The following ANGPTL7 variants were observed in gnomAD, a reference collection of about 807,000 sequenced individuals.
ANGPTL7 encodes the protein angiopoietin-related protein 7.
In ANGPTL7, 37 loss-of-function variants were observed where a neutral mutation model predicts 38.8. The observed-to-expected ratio is 0.95, with a 90% CI of 0.73 to 1.25. The LOEUF is 1.25. Ranked by LOEUF, ANGPTL7 falls within the 50% of genes most tolerant of loss-of-function variation. ANGPTL7 has a pLI of 0.00. For synonymous variants in ANGPTL7, 166 were observed against 163.2 expected (o/e 1.02, Z -0.13); for missense variants, 427 against 438.6 (o/e 0.97, Z 0.24).
Position 11,189,672 on chromosome 1 carries a change from G to C in ANGPTL7, c.93G>C (p.Lys31Asn), listed in dbSNP as rs755459406. The change falls in exon 1 of 5, where the codon AAG becomes AAC. Residue 31 changes from lysine to asparagine, a missense_variant. Transcript: ENST00000376819. ...CAGCGTGGCTGCAGAAGCTCTCTAA[G>C]CACAAGACACCAGCACAGCCACAGC... is the stretch of plus-strand genomic sequence containing the variant. ...SHPAWLQKLS[K>N]HKTPAQPQLK... is the part of the protein sequence containing the mutation. 119 of 1,614,066 alleles carry C rather than the reference G, an allele frequency of 7.4e-5. No individual in the cohort carries two copies. Among genetic ancestry groups the C allele is most frequent in the Non-Finnish European group, 9.8e-5 (116 of 1,180,040 alleles).
chr1:11,192,404 T>A, intron 2 of ANGPTL7, 34 bp downstream of exon 2: 1 of 1,519,484 alleles, frequency 6.6e-7, no homozygotes, highest in Non-Finnish European at 9.1e-7. Context: ...CATGCCCTAA[T>A]ACCTGTCCTT....
At chr1:11,194,735 A>G (rs1645714146) in intron 4 of ANGPTL7, 76 bp downstream of exon 4, 3 of 1,604,584 alleles carry the variant, frequency 1.9e-6, no homozygotes, top group African/African-American at 2.7e-5. Flanking sequence ...AGAGTGAATT[A>G]TAACTGTACA....
rs1305755975 is a variant in ANGPTL7 at position 11,189,612 on chromosome 1, G to C, written c.33G>C (p.Trp11Cys). The C allele has an allele frequency of 1.9e-6, 3 of 1,613,372 alleles. No individual in the cohort carries two copies. Among genetic ancestry groups the C allele is most frequent in the Non-Finnish European group, 2.5e-6 (3 of 1,179,738 alleles). Residue 11 changes from tryptophan to cysteine, a missense_variant, in exon 1 of 5, where the codon TGG becomes TGC. Physicochemically the swap from Trp to Cys is radical, Grantham distance 215. Transcript: ENST00000376819. MLKKPLSAVT[W>C]LCIFIVAFVS... Reference sequence around the variant, plus strand: ...AAAAGCCTCTCTCAGCTGTGACCTGGCTCTGCATTTTCATCGTGGCCTTTG... The same window carrying C: ...AAAAGCCTCTCTCAGCTGTGACCTGCCTCTGCATTTTCATCGTGGCCTTTG...
In ANGPTL7 at chr1:11,195,055, A is replaced by T; in HGVS notation, c.*32A>T. The stretch of plus-strand genomic sequence containing the variant: ...GCTGCCGTGGAGCACGGATACAGAA[A>T]CTGAGACACGTGGAGACTGGATGAG... On this transcript the variant is annotated 3_prime_UTR_variant, in exon 5 of 5. Transcript: ENST00000376819. 6.2e-7 allele frequency: 1 copy of T among 1,608,328 alleles called. No individual in the cohort carries two copies. The highest frequency in any genetic ancestry group is 8.5e-7 in the Non-Finnish European group (1 of 1,177,436).
chr1:11,190,095 T>C, intron 1 of ANGPTL7, 140 bp downstream of exon 1: 2 of 980,230 alleles, frequency 2.0e-6, no homozygotes, highest in Non-Finnish European at 2.9e-6. Flanking sequence ...TATGCAGTAT[T>C]TCCTTTGACT....
At chr1:11,193,947 C>T (rs1426272238) in intron 3 of ANGPTL7, among the ~76,000 whole-genome samples, 173 bp downstream of exon 3, 1 of 41,970 alleles carries the variant, frequency 2.4e-5, no homozygotes, top group Non-Finnish European at 3.8e-5. Flanking sequence ...TTCCTTTCTG[C>T]AACCCCCCCA....
intron 1 of ANGPTL7, among the ~76,000 whole-genome samples, chr1:11,191,634 T>TA (rs1645534741): frequency 1.3e-5 from 2 of 152,030 alleles, no homozygotes; most frequent in African/African-American, 2.4e-5. Flanking sequence ...GGCCCTAGAG[T>TA]AAAAAAACTG....
intron 1 of ANGPTL7, 120 bp downstream of exon 1, chr1:11,190,075 A>G (rs1645469255): frequency 3.3e-6 from 4 of 1,198,982 alleles, no homozygotes; most frequent in South Asian, 1.5e-5. Context: ...CTTTCCCTTT[A>G]GTAAAGGCTT....
Position 11,189,471 on chromosome 1 carries a change from CAG to C in ANGPTL7, c.-106_-105del, listed in dbSNP as rs1645437182. On this transcript the variant is annotated 5_prime_UTR_variant, in exon 1 of 5. Transcript: ENST00000376819. ...GAAAACAACAAAGTGGCGAGGCCCT[CAG>C]AGTGAAAGCGTAAGGTTCAGTCAGC... The C allele has an allele frequency of 1.5e-6, 2 of 1,324,002 alleles. No homozygotes were observed. The highest frequency in any genetic ancestry group is 2.1e-6 in the Non-Finnish European group (2 of 972,480). 82.0% of individuals were successfully genotyped at this position (1,324,002 alleles called of 1,614,324 possible).
intron 1 of ANGPTL7, 54 bp from the exon 2 acceptor site, chr1:11,192,216 C>A: frequency 7.5e-7 from 1 of 1,340,612 alleles, no homozygotes; most frequent in Non-Finnish European, 1.1e-6. Flanking sequence ...AAACACTCAA[C>A]TCAGATGGAG....
intron 2 of ANGPTL7, 73 bp downstream of exon 2, chr1:11,192,443 G>A: frequency 1.6e-6 from 2 of 1,277,412 alleles, no homozygotes; most frequent in East Asian, 2.3e-5. Context: ...ACAACAACAG[G>A]GCCATTCACA....
Position 11,194,616 on chromosome 1 carries a change from G to GGACAAT in ANGPTL7, c.834_839dup (p.Asp279_Asn280dup). 1.2e-6 allele frequency: 2 copies of GGACAAT among 1,614,164 alleles called. No homozygotes were observed. Among genetic ancestry groups the GGACAAT allele is most frequent in the Non-Finnish European group, 1.7e-6 (2 of 1,180,018 alleles). Reference sequence around the variant, plus strand: ...ACACAGCCTTCAGCACCAAGGACAAGGACAATGACAACTGCTTGGACAAGT... The same window carrying GGACAAT: ...ACACAGCCTTCAGCACCAAGGACAAGGACAATGACAATGACAACTGCTTGGACAAGT... On this transcript the variant is annotated inframe_insertion, in exon 4 of 5. Coordinates refer to ENST00000376819, the MANE Select transcript of ANGPTL7 (RefSeq NM_021146.4).
intron 3 of ANGPTL7, 148 bp downstream of exon 3, chr1:11,193,922 G>GA (rs1645666745): frequency 1.0e-6 from 1 of 962,404 alleles, no homozygotes; most frequent in Non-Finnish European, 1.5e-6. Context: ...TGGAGTTGAG[G>GA]AAAAATAGGT....
intron 1 of ANGPTL7, among the ~76,000 whole-genome samples, chr1:11,190,163 T>C (rs1421006986): frequency 6.6e-6 from 1 of 152,206 alleles, no homozygotes; most frequent in African/African-American, 2.4e-5. Flanking sequence ...CCACACAGTG[T>C]TTCAGCCTAC....
intron 1 of ANGPTL7, 45 bp downstream of exon 1, chr1:11,190,000 C>G (rs1238397904): frequency 6.4e-7 from 1 of 1,560,420 alleles, no homozygotes; most frequent in East Asian, 2.2e-5. Flanking sequence ...GCCTCCCCAT[C>G]TACAGCACTG....
chr1:11,192,251 G>A lies in ANGPTL7; in HGVS notation c.377-19G>A. The A allele has an allele frequency of 2.5e-6, 4 of 1,581,524 alleles. No individual in the cohort carries two copies. The highest frequency in any genetic ancestry group is 3.5e-6 in the Non-Finnish European group (4 of 1,150,800). On this transcript the variant is annotated intron_variant, in intron 1 of 4. Coordinates refer to ENST00000376819, the MANE Select transcript of ANGPTL7 (RefSeq NM_021146.4). ...GCCACTGGGTCTAAATGCTCACCCT[G>A]TGGTTTGTTCTCTTGTAGATGCCAT...
rs989872411 is a variant in ANGPTL7 at position 11,194,802 on chromosome 1, G to A, written c.872-52G>A. 6.8e-6 allele frequency: 11 copies of A among 1,606,406 alleles called. No individual in the cohort carries two copies. The African/African-American group carries it at 1.2e-4, about 18-fold the overall frequency. On this transcript the variant is annotated intron_variant, in intron 4 of 4. Coordinates refer to ENST00000376819, the MANE Select transcript of ANGPTL7 (RefSeq NM_021146.4). ...CCCTGGCTCTAACTCCTTACCTGAT[G>A]TCTGGTCTATCACAGTCAACTTACT...
Position 11,192,292 on chromosome 1 carries a change from C to T in ANGPTL7, c.399C>T (p.Ser133=). ...TSADAIYDCS[S]LYQKNYRISG... ...TAGATGCCATCTACGACTGCTCTTCCCTCTACCAGAAGAACTACCGCATCT... is the reference window on the plus strand; with the variant it reads ...TAGATGCCATCTACGACTGCTCTTCTCTCTACCAGAAGAACTACCGCATCT... The change falls in exon 2 of 5, where the codon TCC becomes TCT. Residue 133 remains serine, a synonymous_variant. Coordinates refer to ENST00000376819, the MANE Select transcript of ANGPTL7 (RefSeq NM_021146.4). 6.2e-7 allele frequency: 1 copy of T among 1,613,976 alleles called. No homozygotes were observed. Among genetic ancestry groups the T allele is most frequent in the Non-Finnish European group, 8.5e-7 (1 of 1,179,928 alleles).
chr1:11,189,642 C>T lies in ANGPTL7; in HGVS notation c.63C>T (p.Ser21=). 1 of 1,614,082 alleles carries T rather than the reference C, an allele frequency of 6.2e-7. No homozygotes were observed. The highest frequency in any genetic ancestry group is 8.5e-7 in the Non-Finnish European group (1 of 1,180,002). ...WLCIFIVAFV[S]HPAWLQKLSK... is the part of the protein sequence containing the mutation. ...GCATTTTCATCGTGGCCTTTGTCAG[C>T]CACCCAGCGTGGCTGCAGAAGCTCT... The change falls in exon 1 of 5, where the codon AGC becomes AGT. Residue 21 remains serine (S), a synonymous_variant. Coordinates refer to ENST00000376819, the MANE Select transcript of ANGPTL7 (RefSeq NM_021146.4).
Sources: gnomAD v4.1 joint callset for allele counts (sites outside exome capture counted in the v4.1 genomes callset) on GRCh38, gnomAD v4.1.1 for gene constraint, MANE v1.5 for transcripts, NCBI Gene and HGNC (gene_info 2026-07-23, HGNC 2026-07-21) for gene names.